Variants in PDE4D observed in about 807,000 individuals in gnomAD.
PDE4D encodes the protein 3',5'-cyclic-AMP phosphodiesterase 4D.
PDE4D carries 24 observed loss-of-function variants against 87.4 expected under a neutral mutation model. The ratio of observed to expected loss-of-function variants is 0.27; its 90% CI spans 0.20 to 0.39. The LOEUF is 0.39. Ranked by LOEUF, PDE4D falls within the 10% of genes least tolerant of loss-of-function variation. PDE4D has a pLI of 1.00. For missense variants in PDE4D, 714 were observed against 1,041.0 expected (o/e 0.69, Z 4.32); for synonymous variants, 384 against 383.2 (o/e 1.00, Z -0.02).
chr5:60,212,184 C>T (rs1281775633), intron 1 of PDE4D, among the ~76,000 whole-genome samples: 1 of 151,960 alleles, frequency 6.6e-6, no homozygotes, highest in Admixed American at 6.6e-5. Context: ...TCTCAAGTAA[C>T]ACATTCTAAA....
At chr5:59,880,326 T>C (rs1749256988) in intron 1 of PDE4D, among the ~76,000 whole-genome samples, 1 of 152,056 alleles carries the variant, frequency 6.6e-6, no homozygotes, top group Non-Finnish European at 1.5e-5. Flanking sequence ...TCCAGGCTGG[T>C]CTGGAGATCC....
chr5:58,975,107 G>A lies in PDE4D; in HGVS notation c.2014-27C>T. On this transcript the variant is annotated intron_variant, in intron 14 of 14. Transcript: ENST00000340635. The surrounding 1 kb of genome is among the most constrained non-coding windows in gnomAD (Gnocchi z 4.2). ...TAGTTAAGAAAAAAATCCAGTATGA[G>A]TAGAGGACTTGGGACTAAGAAACAA... The A allele has an allele frequency of 1.9e-5, 27 of 1,387,826 alleles. No individual in the cohort carries two copies. Among genetic ancestry groups the A allele is most frequent in the Non-Finnish European group, 2.6e-5 (27 of 1,046,828 alleles). 86.0% of individuals were successfully genotyped at this position (1,387,826 alleles called of 1,614,324 possible).
chr5:59,638,811 A>T (rs1445624324), intron 1 of PDE4D, among the ~76,000 whole-genome samples: 1 of 152,186 alleles, frequency 6.6e-6, no homozygotes, highest in East Asian at 1.9e-4. Flanking sequence ...TTTCTTGAAA[A>T]AATGAGGCAG....
rs1379173693 is a variant in PDE4D at position 59,396,446 on chromosome 5, G to T, written c.456-180478C>A. ...CAATATTCAACATTCTTAAAGAAAA[G>T]AATTCTCAACCCAGAATTTCATATC... On this transcript the variant is annotated intron_variant, in intron 1 of 14. Coordinates refer to ENST00000340635, the MANE Select transcript of PDE4D (RefSeq NM_001104631.2). Among the ~76,000 whole-genome samples, 35 of 97,338 alleles carry T rather than the reference G, an allele frequency of 3.6e-4. 5 individuals are homozygous for T. The allele number at this position is 97,338 out of a possible 152,430, so 63.9% of individuals were successfully genotyped here.
chr5:59,205,646 C>A (rs895283202), intron 2 of PDE4D, among the ~76,000 whole-genome samples: 1 of 111,706 alleles, frequency 9.0e-6, no homozygotes, highest in African/African-American at 3.3e-5. Flanking sequence ...ATGCTATCCA[C>A]TAGCTAAACA....
At chr5:59,843,081 A>AT (rs977072786) in intron 1 of PDE4D, among the ~76,000 whole-genome samples, 14 of 151,834 alleles carry the variant, frequency 9.2e-5, no homozygotes, top group African/African-American at 3.4e-4. Flanking sequence ...TTATTTATTT[A>AT]TTTTTTTACC....
intron 1 of PDE4D, among the ~76,000 whole-genome samples, chr5:59,388,357 T>C (rs920742825): frequency 6.6e-6 from 1 of 151,946 alleles, no homozygotes; most frequent in Admixed American, 6.6e-5. Flanking sequence ...GGCAAGGATG[T>C]GGAGAAAAGG....
chr5:59,002,725 T>C (rs1225885043), intron 6 of PDE4D, among the ~76,000 whole-genome samples: 1 of 152,040 alleles, frequency 6.6e-6, no homozygotes, highest in Non-Finnish European at 1.5e-5. Flanking sequence ...GCTGCAACCA[T>C]ATGAGGAATG....
intron 5 of PDE4D, among the ~76,000 whole-genome samples, chr5:59,120,372 G>T (rs1774281444): frequency 6.6e-6 from 1 of 152,160 alleles, no homozygotes; most frequent in African/African-American, 2.4e-5. Flanking sequence ...CTAAGAGGAG[G>T]TCAGAGTTAT....
At chr5:59,962,386 T>C (rs1339379541) in intron 3 of PDE4D, among the ~76,000 whole-genome samples, 1 of 152,110 alleles carries the variant, frequency 6.6e-6, no homozygotes, top group East Asian at 1.9e-4. Flanking sequence ...AGAGAGGATC[T>C]AAATCTCATG....
chr5:60,287,874 G>A (rs1412722556), intron 1 of PDE4D, among the ~76,000 whole-genome samples: 2 of 152,116 alleles, frequency 1.3e-5, no homozygotes, highest in Non-Finnish European at 2.9e-5. Flanking sequence ...TTGTTTTTAT[G>A]TGTAAGCTCC....
chr5:59,453,128 A>G (rs1375436769), intron 1 of PDE4D, among the ~76,000 whole-genome samples: 1 of 152,080 alleles, frequency 6.6e-6, no homozygotes, highest in Non-Finnish European at 1.5e-5. Context: ...GTGATCTGTA[A>G]TTGCTGATTG....
At chr5:59,392,676 C>T (rs564177137) in intron 1 of PDE4D, among the ~76,000 whole-genome samples, 3 of 152,204 alleles carry the variant, frequency 2.0e-5, no homozygotes, top group Middle Eastern at 3.4e-3. Context: ...CTGTGAGGAG[C>T]TCAGAAGTCA....
chr5:59,951,913 A>G (rs977727955), intron 3 of PDE4D, among the ~76,000 whole-genome samples: 3 of 152,126 alleles, frequency 2.0e-5, no homozygotes, highest in African/African-American at 7.2e-5. Flanking sequence ...CTCAAAATCC[A>G]TCTCATAATG....
chr5:59,786,413 T>C (rs545639844), intron 1 of PDE4D, among the ~76,000 whole-genome samples: 123 of 152,324 alleles, frequency 8.1e-4, no homozygotes, highest in South Asian at 1.9e-3. Flanking sequence ...TCCAAAGCCA[T>C]AGGGCATTAA....
chr5:59,352,771 A>G (rs1055228720), intron 1 of PDE4D, among the ~76,000 whole-genome samples: 8 of 152,140 alleles, frequency 5.3e-5, no homozygotes, highest in African/African-American at 1.9e-4. Context: ...TGTTGATCTG[A>G]CTGTCATTAA....
chr5:60,006,255 T>C (rs1182542452), intron 2 of PDE4D, among the ~76,000 whole-genome samples: 3 of 151,876 alleles, frequency 2.0e-5, no homozygotes, highest in African/African-American at 7.3e-5. Context: ...GCGAAAGCAA[T>C]TGTGGTTTTT....
chr5:59,392,388 T>G (rs1788402343), intron 1 of PDE4D, among the ~76,000 whole-genome samples: 1 of 151,990 alleles, frequency 6.6e-6, no homozygotes, highest in South Asian at 2.1e-4. Context: ...TTCTTCAGTT[T>G]TGGAACTTGG....
At position 58,980,351 on chromosome 5, in the gene PDE4D, G is replaced by A. The variant is rs532570131; in HGVS notation, c.1553-3006C>T. 3.9e-5 allele frequency among the ~76,000 whole-genome samples: 6 copies of A among 152,242 alleles called. 1 individual carries two copies. Among genetic ancestry groups the A allele is most frequent in the Admixed American group, 1.3e-4 (2 of 15,278 alleles). ...AGCACTTAAAACCAGGCAGTTTCTA[G>A]AGCCCTCACCTTATACTGACTATGA... is the stretch of plus-strand genomic sequence containing the variant. On this transcript the variant is annotated intron_variant, in intron 11 of 14. Transcript: ENST00000340635.
Sources: allele counts gnomAD v4.1 joint callset (sites outside exome capture counted in the v4.1 genomes callset), GRCh38; gene constraint gnomAD v4.1.1; non-coding constraint Gnocchi (gnomAD v3.1); transcripts MANE v1.5; gene names NCBI Gene and HGNC (gene_info 2026-07-23, HGNC 2026-07-21).